LYZL4: variants seen among roughly 807,000 people sequenced by gnomAD.
LYZL4 encodes the protein lysozyme like 4.
A neutral mutation model predicts 17.6 loss-of-function variants in LYZL4; 13 were observed. The observed-to-expected ratio is 0.74, with a 90% CI of 0.48 to 1.18. The LOEUF is 1.18. LYZL4 is among the 50% of genes most tolerant of loss of function. LYZL4 has a pLI of 0.00. For missense variants in LYZL4, 174 were observed against 188.2 expected (o/e 0.92, Z 0.44); for synonymous variants, 64 against 67.7 (o/e 0.95, Z 0.27).
At chr3:42,407,471 ACT>A in intron 1 of LYZL4, 128 bp from the exon 2 acceptor site, 2 of 601,714 alleles carry the variant, frequency 3.3e-6, no homozygotes, top group Non-Finnish European at 5.7e-6. Context: ...GACACCTGAA[ACT>A]CTGCCCCTTC....
At chr3:42,365,594 T>C in the LYZL4 span, among the ~76,000 whole-genome samples, 1 of 152,214 alleles carries the variant, frequency 6.6e-6, no homozygotes, top group Non-Finnish European at 1.5e-5. Flanking sequence ...AATTGTACCC[T>C]GTTTGCTAAC....
At chr3:42,405,527 T>A (rs1248671566) in intron 3 of LYZL4, among the ~76,000 whole-genome samples, 5 of 152,150 alleles carry the variant, frequency 3.3e-5, no homozygotes, top group African/African-American at 9.7e-5. Flanking sequence ...CCAGGCCACA[T>A]GAGAAGGCTG....
the LYZL4 span, among the ~76,000 whole-genome samples, chr3:42,383,795 A>G: frequency 2.6e-5 from 4 of 152,140 alleles, no homozygotes; most frequent in African/African-American, 9.6e-5. Context: ...GGTTTGAAAG[A>G]AGTCGAGAAA....
chr3:42,403,680 G>A (rs542445598), intron 4 of LYZL4, among the ~76,000 whole-genome samples: 131 of 152,162 alleles, frequency 8.6e-4, no homozygotes, highest in African/African-American at 2.9e-3. Context: ...TGGGCCTGCT[G>A]GATTTCACAA....
In LYZL4 at chr3:42,403,448, A is replaced by T. The variant is rs893485604; in HGVS notation, c.371+598T>A. Among the ~76,000 whole-genome samples, 44 of 151,762 alleles carry T rather than the reference A, an allele frequency of 2.9e-4. 1 individual carries two copies. Among genetic ancestry groups the T allele is most frequent in the African/African-American group, 1.5e-4 (6 of 41,300 alleles). On this transcript the variant is annotated intron_variant, in intron 4 of 4. Coordinates refer to ENST00000287748, the MANE Select transcript of LYZL4 (RefSeq NM_144634.4). Reference sequence around the variant, plus strand: ...CTTATTTTATTTTATTTATTTATTTATTTTTTTAGTAGAGACGAGGTTTTG... The same window carrying T: ...CTTATTTTATTTTATTTATTTATTTTTTTTTTTAGTAGAGACGAGGTTTTG...
the LYZL4 span, among the ~76,000 whole-genome samples, chr3:42,388,370 C>A: frequency 1.3e-5 from 2 of 152,120 alleles, no homozygotes; most frequent in African/African-American, 2.4e-5. Context: ...CAAAAAACTC[C>A]CAAAAGACAA....
At chr3:42,378,126 G>T in the LYZL4 span, among the ~76,000 whole-genome samples, 2 of 152,194 alleles carry the variant, frequency 1.3e-5, no homozygotes, top group Admixed American at 6.5e-5. Flanking sequence ...TGAGCCAACA[G>T]CCACTTTGGT....
chr3:42,390,837 C>T, the LYZL4 span, among the ~76,000 whole-genome samples: 1 of 152,092 alleles, frequency 6.6e-6, no homozygotes, highest in African/African-American at 2.4e-5. Context: ...TGTTCTGTAC[C>T]CTTGGGTCAG....
the LYZL4 span, among the ~76,000 whole-genome samples, chr3:42,378,523 C>T: frequency 6.6e-6 from 1 of 152,334 alleles, no homozygotes; most frequent in Non-Finnish European, 1.5e-5. Context: ...CCCCAAGTCT[C>T]CACCACTGAA....
At chr3:42,394,060 T>G (rs573238546), downstream of LYZL4, among the ~76,000 whole-genome samples, 32 of 152,350 alleles carry the variant, frequency 2.1e-4, no homozygotes, top group Admixed American at 1.0e-3. Context: ...CCCAGAGTGC[T>G]GGGATTACAG....
chr3:42,409,303 T>A (rs1478464955), intron 1 of LYZL4, among the ~76,000 whole-genome samples: 1 of 152,224 alleles, frequency 6.6e-6, no homozygotes, highest in East Asian at 1.9e-4. Context: ...AGATTTTACT[T>A]GTATGGACAT....
chr3:42,404,057 C>A lies in LYZL4; in HGVS notation c.360G>T (p.Gly120=). The A allele has an allele frequency of 6.2e-7, 1 of 1,608,252 alleles. No individual in the cohort carries two copies. The highest frequency in any genetic ancestry group is 8.5e-7 in the Non-Finnish European group (1 of 1,174,748). Residue 120 remains glycine (G), a synonymous_variant, in exon 4 of 5, where the codon GGG becomes GGT. Coordinates refer to ENST00000287748, the MANE Select transcript of LYZL4 (RefSeq NM_144634.4). ...AATGTAAGACTTACCATGCTCCCAT[C>A]CCTTCTTTTCCTTTTACAATGGTCT... The part of the protein sequence containing the change: ...CAKTIVKGKE[G]MGAWPTWSRY...
At chr3:42,380,064 C>T in the LYZL4 span, among the ~76,000 whole-genome samples, 1 of 152,212 alleles carries the variant, frequency 6.6e-6, no homozygotes. Context: ...GAAGTGGGCC[C>T]TCATCGGACA....
intron 4 of LYZL4, among the ~76,000 whole-genome samples, chr3:42,399,388 T>A (rs1371481451): frequency 6.6e-6 from 1 of 152,218 alleles, no homozygotes; most frequent in Non-Finnish European, 1.5e-5. Context: ...CATGATAGAA[T>A]TTTGAAACAG....
the LYZL4 span, among the ~76,000 whole-genome samples, chr3:42,379,375 G>A: frequency 3.3e-5 from 5 of 152,144 alleles, no homozygotes; most frequent in Non-Finnish European, 7.3e-5. Context: ...TTAAGGCCTG[G>A]GCCTGGAAAA....
At chr3:42,364,365 G>T in the LYZL4 span, among the ~76,000 whole-genome samples, 4 of 130,894 alleles carry the variant, frequency 3.1e-5, no homozygotes, top group African/African-American at 1.2e-4. Flanking sequence ...TTTTTCAGGC[G>T]GAGTCTTGCT....
At chr3:42,396,500 ATTTG>A (rs754226616), downstream of LYZL4, among the ~76,000 whole-genome samples, 51 of 152,282 alleles carry the variant, frequency 3.3e-4, no homozygotes, top group South Asian at 1.2e-3. Flanking sequence ...GTCTTACCTT[ATTTG>A]TTTGTTTTCT....
the LYZL4 span, among the ~76,000 whole-genome samples, chr3:42,363,830 A>C: frequency 2.0e-5 from 3 of 152,236 alleles, no homozygotes; most frequent in South Asian, 6.2e-4. Context: ...GGGACTAAGC[A>C]TTCGTATGGT....
chr3:42,404,132 GA>G lies in LYZL4; in HGVS notation c.293-9del. On this transcript the variant is annotated splice_polypyrimidine_tract_variant and intron_variant, in intron 3 of 4. Coordinates refer to ENST00000287748, the MANE Select transcript of LYZL4 (RefSeq NM_144634.4). ...AATTAGGATTCAGTAAAGCTGTGGG[GA>G]AAAGAAAATGGAAGATACCATGCTG... 6.3e-7 allele frequency: 1 copy of G among 1,599,116 alleles called. No individual in the cohort carries two copies. Among genetic ancestry groups the G allele is most frequent in the Non-Finnish European group, 8.6e-7 (1 of 1,166,812 alleles).
Sources: allele counts gnomAD v4.1 joint callset (sites outside exome capture counted in the v4.1 genomes callset), GRCh38; gene constraint gnomAD v4.1.1; transcripts MANE v1.5; gene names NCBI Gene and HGNC (gene_info 2026-07-23, HGNC 2026-07-21).